Variants in DLGAP1 observed in about 807,000 individuals in gnomAD.
The protein encoded by DLGAP1 is disks large-associated protein 1.
In DLGAP1, 11 loss-of-function variants were observed where a neutral mutation model predicts 90.8. The ratio of observed to expected loss-of-function variants is 0.12; its 90% CI spans 0.08 to 0.20. The LOEUF (loss-of-function observed/expected upper bound fraction) is 0.20, where lower values mean the gene tolerates loss of function less well. DLGAP1 is among the 10% of genes least tolerant of loss of function. The probability of loss-of-function intolerance (pLI) is 1.00; values close to 1 mark genes in which losing one functional copy is unlikely to be tolerated. For synonymous variants in DLGAP1, 558 were observed against 540.7 expected, an observed-to-expected ratio of 1.03 and a Z score of -0.44; for missense variants, 1,050 against 1,333.8, an observed-to-expected ratio of 0.79 and a Z score of 3.31.
At chr18:3,685,563 CAAA>C (rs59737533) in intron 7 of DLGAP1, among the ~76,000 whole-genome samples, 4,245 of 75,894 alleles carry the variant, frequency 0.056, 38 homozygotes, top group African/African-American at 0.12. Flanking sequence ...GATTCCGTCT[CAAA>C]AAAAAAAAAA....
chr18:3,639,362 A>AAAAGAAAAG, intron 7 of DLGAP1, among the ~76,000 whole-genome samples: 1 of 124,150 alleles, frequency 8.1e-6, no homozygotes, highest in African/African-American at 2.8e-5. Context: ...TCAAAAAGAG[A>AAAAGAAAAG]AAAGAAAAGA....
At position 3,944,112 on chromosome 18, in the gene DLGAP1, G is replaced by C. The variant is rs183647558; in HGVS notation, c.-73+61004C>G. ...CATTTCATCACTTCTGTACCCATAG[G>C]ACGTGTGTGTGTCTGTGTGTGTAGT... On this transcript the variant is annotated intron_variant, in intron 3 of 12. Coordinates refer to ENST00000315677, the MANE Select transcript of DLGAP1 (RefSeq NM_004746.4). Among the ~76,000 whole-genome samples, 762 of 151,778 alleles carry C rather than the reference G, an allele frequency of 5.0e-3. 3 individuals are homozygous for C. Among genetic ancestry groups the C allele is most frequent in the Non-Finnish European group, 8.0e-3 (542 of 68,022 alleles).
At chr18:4,405,795 C>T (rs935172911) in intron 1 of DLGAP1, among the ~76,000 whole-genome samples, 3 of 152,178 alleles carry the variant, frequency 2.0e-5, no homozygotes, top group Non-Finnish European at 4.4e-5. Context: ...GGGCTCCAAA[C>T]TAGCTTCAGA....
In DLGAP1 at chr18:3,696,511, G is replaced by A. The variant is rs1022255720; in HGVS notation, c.1591+32624C>T. ...TGATGAATTACGTTTACTGATTTGC[G>A]TATGTTGAACCAGCCTTACATCCCA... On this transcript the variant is annotated intron_variant, in intron 7 of 12. Coordinates refer to ENST00000315677, the MANE Select transcript of DLGAP1 (RefSeq NM_004746.4). Among the ~76,000 whole-genome samples, 12 of 152,254 alleles carry A rather than the reference G, an allele frequency of 7.9e-5. No individual in the cohort carries two copies. The East Asian group carries it at 9.6e-4, about 12-fold the overall frequency.
chr18:3,845,253 C>G, intron 4 of DLGAP1: 1 of 1,612,980 alleles, frequency 6.2e-7, no homozygotes, highest in East Asian at 2.2e-5. Context: ...GAATGCCAAA[C>G]AGAATGTCTT....
In DLGAP1 at chr18:3,858,557, T is replaced by A. The variant is rs112526768; in HGVS notation, c.957+20555A>T. On this transcript the variant is annotated intron_variant, in intron 4 of 12. Transcript: ENST00000315677. The stretch of plus-strand genomic sequence containing the variant: ...ACACACACACACACATATATATATA[T>A]AAAACACCTGATTGCAAATGTGCAA... Among the ~76,000 whole-genome samples the A allele has an allele frequency of 5.4e-4, 81 of 151,240 alleles. 2 individuals carry two copies. In the Middle Eastern group the frequency reaches 0.01, roughly 19 times the overall value.
intron 3 of DLGAP1, among the ~76,000 whole-genome samples, chr18:3,960,143 T>C (rs1404347479): frequency 6.6e-6 from 1 of 152,240 alleles, no homozygotes. Context: ...TCACTTGAAT[T>C]GTAACCACTT....
chr18:4,191,709 C>G (rs1003062511), intron 1 of DLGAP1, among the ~76,000 whole-genome samples: 1 of 152,186 alleles, frequency 6.6e-6, no homozygotes, highest in Admixed American at 6.6e-5. Flanking sequence ...CAGGATTCAG[C>G]TTCAATGTAA....
chr18:3,697,681 G>A (rs1333530799), intron 7 of DLGAP1, among the ~76,000 whole-genome samples: 1 of 152,110 alleles, frequency 6.6e-6, no homozygotes, highest in Non-Finnish European at 1.5e-5. Flanking sequence ...GAGTGGGAGA[G>A]TTCCGTAGAT....
intron 7 of DLGAP1, among the ~76,000 whole-genome samples, chr18:3,606,163 A>G (rs1052794689): frequency 6.6e-6 from 1 of 152,222 alleles, no homozygotes; most frequent in African/African-American, 2.4e-5. Context: ...AGACAAAACT[A>G]TCCTAGAGGT....
At chr18:4,332,923 A>G (rs1475913487) in intron 1 of DLGAP1, among the ~76,000 whole-genome samples, 3 of 151,940 alleles carry the variant, frequency 2.0e-5, no homozygotes, top group Non-Finnish European at 4.4e-5. Flanking sequence ...GTTTAAAACT[A>G]AACTCTTCTC....
intron 1 of DLGAP1, among the ~76,000 whole-genome samples, chr18:4,341,345 GCCTT>G (rs2143849877): frequency 6.6e-6 from 1 of 152,158 alleles, no homozygotes; most frequent in South Asian, 2.1e-4. Flanking sequence ...TGTCTCTGAA[GCCTT>G]CCTAACACCT....
intron 2 of DLGAP1, among the ~76,000 whole-genome samples, chr18:4,110,587 G>C (rs2075955738): frequency 6.6e-6 from 1 of 152,138 alleles, no homozygotes; most frequent in Admixed American, 6.5e-5. Flanking sequence ...ATTGTTTAGA[G>C]CCTAGTCCTA....
chr18:3,583,278 C>T (rs2145419404), intron 7 of DLGAP1, among the ~76,000 whole-genome samples: 1 of 147,730 alleles, frequency 6.8e-6, no homozygotes, highest in East Asian at 2.0e-4. Flanking sequence ...CCCTTCTTTC[C>T]TTCCTTCCCT....
At chr18:3,596,916 A>G (rs1466991848) in intron 7 of DLGAP1, 3 of 519,802 alleles carry the variant, frequency 5.8e-6, no homozygotes, top group African/African-American at 1.9e-5. Context: ...GCCAAATCCT[A>G]ATCTACCATT....
rs2049694132 is a variant in DLGAP1, at chr18:3,496,276, C to T, written c.*2909G>A. The stretch of plus-strand genomic sequence containing the variant: ...TCAGATATGCTAGTGATTTACATTC[C>T]AGTTATTTAAAATATGCATCTAGAC... On this transcript the variant is annotated 3_prime_UTR_variant, in exon 13 of 13. Coordinates refer to ENST00000315677, the MANE Select transcript of DLGAP1 (RefSeq NM_004746.4). 6.6e-6 allele frequency: 1 copy of T among 151,892 alleles called. No individual in the cohort carries two copies. The highest frequency in any genetic ancestry group is 1.5e-5 in the Non-Finnish European group (1 of 67,998). The allele number at this position is 151,892 out of a possible 1,614,324, so 9.4% of individuals were successfully genotyped here. A position where few individuals can be genotyped will look rare whatever the true frequency, so the allele number is the denominator to read the frequency against.
chr18:4,388,263 T>C (rs1393818786), intron 1 of DLGAP1, among the ~76,000 whole-genome samples: 1 of 151,832 alleles, frequency 6.6e-6, no homozygotes, highest in Non-Finnish European at 1.5e-5. Context: ...AGAATGACAC[T>C]CAAGTTTCTG....
intron 2 of DLGAP1, among the ~76,000 whole-genome samples, chr18:4,090,696 G>A (rs1269186109): frequency 6.6e-6 from 1 of 152,188 alleles, no homozygotes; most frequent in Non-Finnish European, 1.5e-5. Context: ...ATTTCTCAAA[G>A]ATCTAGAACC....
At position 4,114,770 on chromosome 18, in the gene DLGAP1, T is replaced by C. The variant is rs998411007; in HGVS notation, c.-159+36410A>G. Among the ~76,000 whole-genome samples, 3 of 152,158 alleles carry C rather than the reference T, an allele frequency of 2.0e-5. No individual in the cohort carries two copies. The East Asian group carries it at 5.8e-4, about 29-fold the overall frequency. On this transcript the variant is annotated intron_variant, in intron 2 of 12. Transcript: ENST00000315677. Reference sequence around the variant, plus strand: ...TGTCGTCTCATATTTATATGGCCACTCTAGCTCTTTTAAGGTTTCTGTTTG... The same window carrying C: ...TGTCGTCTCATATTTATATGGCCACCCTAGCTCTTTTAAGGTTTCTGTTTG...
Sources: allele counts gnomAD v4.1 joint callset (sites outside exome capture counted in the v4.1 genomes callset), GRCh38; gene constraint gnomAD v4.1.1; transcripts MANE v1.5; gene names NCBI Gene and HGNC (gene_info 2026-07-23, HGNC 2026-07-21).